The following PAK2 variants were observed in gnomAD, a reference collection of about 807,000 sequenced individuals.
PAK2 encodes serine/threonine-protein kinase PAK 2.
Under a neutral mutation model 65.9 loss-of-function variants are expected in PAK2, and 21 were observed. The observed-to-expected ratio is 0.32, with a 90% CI of 0.23 to 0.46. The LOEUF is 0.46. Among genes scored for constraint, PAK2 ranks in the 20% least tolerant of loss-of-function variants. The probability of loss-of-function intolerance (pLI) is 1.00; values close to 1 mark genes in which losing one functional copy is unlikely to be tolerated. For synonymous variants in PAK2, 204 were observed against 219.7 expected, an observed-to-expected ratio of 0.93 and a Z score of 0.63; for missense variants, 324 against 642.6, an observed-to-expected ratio of 0.50 and a Z score of 5.36.
intron 13 of PAK2, among the ~76,000 whole-genome samples, chr3:196,825,511 C>T (rs889222680): frequency 3.3e-5 from 5 of 151,310 alleles, no homozygotes; most frequent in Admixed American, 6.6e-5. Context: ...GGCATTTTGG[C>T]GGGCGCCTAT....
At chr3:196,800,542 CT>C (rs1049925192) in intron 2 of PAK2, among the ~76,000 whole-genome samples, 7 of 152,092 alleles carry the variant, frequency 4.6e-5, no homozygotes, top group Admixed American at 2.6e-4. Flanking sequence ...ACCCAAACAG[CT>C]TTGACAAAAG....
intron 1 of PAK2, among the ~76,000 whole-genome samples, chr3:196,768,488 TTATA>T (rs1269001884): frequency 1.0e-4 from 15 of 148,620 alleles, no homozygotes; most frequent in East Asian, 1.9e-4. Flanking sequence ...TTTATTTTAT[TTATA>T]TATGTATGTA....
intron 1 of PAK2, among the ~76,000 whole-genome samples, chr3:196,766,429 A>G (rs1714171914): frequency 6.6e-6 from 1 of 152,208 alleles, no homozygotes. Context: ...TAAAGATGTA[A>G]GAACAGAACC....
chr3:196,826,433 A>G (rs1394792499), intron 13 of PAK2, among the ~76,000 whole-genome samples: 2 of 149,276 alleles, frequency 1.3e-5, no homozygotes, highest in African/African-American at 5.0e-5. Flanking sequence ...TAGCCTCCCA[A>G]AGTACTGGGA....
chr3:196,771,477 C>T (rs200755955), intron 1 of PAK2, among the ~76,000 whole-genome samples: 3 of 152,100 alleles, frequency 2.0e-5, no homozygotes, highest in Non-Finnish European at 4.4e-5. Flanking sequence ...TTCAGTGGAC[C>T]AGTCCTTCAT....
intron 1 of PAK2, among the ~76,000 whole-genome samples, chr3:196,770,695 T>C (rs973685665): frequency 8.6e-5 from 13 of 150,500 alleles, no homozygotes; most frequent in Non-Finnish European, 1.5e-4. Flanking sequence ...CCATCTCGGC[T>C]CACTGTAATC....
At chr3:196,784,177 G>A (rs1560102981) in intron 2 of PAK2, among the ~76,000 whole-genome samples, 1 of 151,268 alleles carries the variant, frequency 6.6e-6, no homozygotes, top group African/African-American at 2.4e-5. Context: ...CATCTTTAGG[G>A]GCTTACCCTG....
chr3:196,742,175 G>A (rs1177127706), intron 1 of PAK2, among the ~76,000 whole-genome samples: 2 of 139,570 alleles, frequency 1.4e-5, no homozygotes, highest in Non-Finnish European at 3.0e-5. Flanking sequence ...CGCAACCTCC[G>A]CCTCCTGGGT....
chr3:196,810,701 C>T (rs1560113166), intron 8 of PAK2, 48 bp downstream of exon 8: 4 of 953,134 alleles, frequency 4.2e-6, no homozygotes, highest in South Asian at 1.3e-5. Flanking sequence ...TTCAGTATTT[C>T]CTGGCTTTAT....
chr3:196,791,211 A>G lies in PAK2; in HGVS notation c.187+8378A>G, dbSNP rs1715059611. The stretch of plus-strand genomic sequence containing the variant: ...TTTCCAGCACATTGTTCAATTCCAG[A>G]CATGCTTTAGTATCTTTTTGTTTTA... On this transcript the variant is annotated intron_variant, in intron 2 of 14. Transcript: ENST00000327134. This position sits in a 1 kb window ranked among gnomAD's most constrained non-coding sequence, Gnocchi z 4.0. 6.6e-6 allele frequency among the ~76,000 whole-genome samples: 1 copy of G among 152,172 alleles called. No homozygotes were observed. The highest frequency in any genetic ancestry group is 2.4e-5 in the African/African-American group (1 of 41,448).
intron 1 of PAK2, among the ~76,000 whole-genome samples, chr3:196,763,491 G>A (rs1461037051): frequency 1.3e-5 from 2 of 152,060 alleles, no homozygotes; most frequent in African/African-American, 4.8e-5. Context: ...CCTCAGATCC[G>A]TTTTCGGAAT....
At chr3:196,794,420 C>T (rs1291600375) in intron 2 of PAK2, among the ~76,000 whole-genome samples, 1 of 152,176 alleles carries the variant, frequency 6.6e-6, no homozygotes, top group African/African-American at 2.4e-5. Flanking sequence ...TGAAAGAACT[C>T]CAGGCATGCT....
At chr3:196,823,968 G>A (rs771493623) in intron 13 of PAK2, among the ~76,000 whole-genome samples, 7 of 152,114 alleles carry the variant, frequency 4.6e-5, no homozygotes, top group South Asian at 2.1e-4. Context: ...TGACCTTCAC[G>A]TGTATCAGAG....
intron 2 of PAK2, among the ~76,000 whole-genome samples, chr3:196,795,899 C>T (rs1217895608): frequency 1.3e-5 from 2 of 152,184 alleles, no homozygotes; most frequent in Non-Finnish European, 2.9e-5. Context: ...GGATTGGTTT[C>T]GCGGAAGGTA....
chr3:196,763,944 G>A (rs905428379), intron 1 of PAK2, among the ~76,000 whole-genome samples: 2 of 148,354 alleles, frequency 1.3e-5, no homozygotes, highest in East Asian at 2.0e-4. Context: ...GACCACAGGC[G>A]CCCACCACCA....
intron 1 of PAK2, among the ~76,000 whole-genome samples, chr3:196,768,575 A>G (rs941217308): frequency 2.0e-5 from 3 of 151,898 alleles, no homozygotes; most frequent in Admixed American, 6.6e-5. Flanking sequence ...TGGCAACCCC[A>G]ACCTCCTGGG....
intron 1 of PAK2, among the ~76,000 whole-genome samples, chr3:196,750,371 AT>A (rs1409273417): frequency 6.6e-6 from 1 of 151,650 alleles, no homozygotes; most frequent in African/African-American, 2.4e-5. Flanking sequence ...TTTTGCAGAT[AT>A]TTTTTTTCTA....
intron 1 of PAK2, among the ~76,000 whole-genome samples, chr3:196,745,818 TAAA>T (rs747996109): frequency 4.2e-5 from 6 of 142,220 alleles, no homozygotes; most frequent in African/African-American, 7.8e-5. Flanking sequence ...CATCTCTAAG[TAAA>T]AAAAAAAAAA....
At chr3:196,793,630 GA>G (rs373552811) in intron 2 of PAK2, among the ~76,000 whole-genome samples, 162 of 151,822 alleles carry the variant, frequency 1.1e-3, no homozygotes, top group African/African-American at 3.7e-3. Context: ...AGTGTAAGGA[GA>G]AAAAAAACCC....
Sources: allele counts gnomAD v4.1 joint callset (sites outside exome capture counted in the v4.1 genomes callset), GRCh38; gene constraint gnomAD v4.1.1; non-coding constraint Gnocchi (gnomAD v3.1); transcripts MANE v1.5; gene names NCBI Gene and HGNC (gene_info 2026-07-23, HGNC 2026-07-21).